NCAM1: variants seen among roughly 807,000 people sequenced by gnomAD.
NCAM1 encodes the protein neural cell adhesion molecule 1, also known as antigen recognized by monoclonal antibody 5.1H11.
Under a neutral mutation model 109.8 loss-of-function variants are expected in NCAM1, and 14 were observed. That is an observed-to-expected ratio of 0.13 (90% confidence interval 0.08 to 0.20). NCAM1 has a LOEUF of 0.20. NCAM1 is among the 10% of genes least tolerant of loss of function. NCAM1 has a pLI of 1.00. For missense variants in NCAM1, 774 were observed against 1,109.9 expected, an observed-to-expected ratio of 0.70 and a Z score of 4.30; for synonymous variants, 418 against 442.9, an observed-to-expected ratio of 0.94 and a Z score of 0.70.
chr11:113,062,740 G>A (rs1555083625), intron 1 of NCAM1, among the ~76,000 whole-genome samples: 1 of 152,162 alleles, frequency 6.6e-6, no homozygotes. Context: ...GGGAAGCCGA[G>A]GCAGGAGGAT....
chr11:113,197,743 C>T (rs1415092287), intron 1 of NCAM1, among the ~76,000 whole-genome samples: 1 of 152,152 alleles, frequency 6.6e-6, no homozygotes, highest in Non-Finnish European at 1.5e-5. Flanking sequence ...TCCTCAAGCC[C>T]ATTGGAATCT....
At chr11:113,038,485 G>A (rs781876714) in intron 1 of NCAM1, among the ~76,000 whole-genome samples, 18 of 151,996 alleles carry the variant, frequency 1.2e-4, no homozygotes, top group Admixed American at 3.9e-4. Context: ...TTTTATTCTC[G>A]TCTTATCTCC....
chr11:113,220,602 CT>C (rs1175342641), intron 8 of NCAM1, among the ~76,000 whole-genome samples: 10,691 of 75,276 alleles, frequency 0.14, 176 homozygotes, highest in East Asian at 0.18. Context: ...CTCTCTCTCT[CT>C]TTTTTTTTTT....
In NCAM1 at chr11:113,270,379, G is replaced by A. The variant is rs782602633; in HGVS notation, c.2323G>A (p.Gly775Ser). 1.9e-6 allele frequency: 3 copies of A among 1,613,902 alleles called. No homozygotes were observed. The highest frequency in any genetic ancestry group is 2.5e-6 in the Non-Finnish European group (3 of 1,179,916). Residue 775 changes from glycine (G) to serine (S), a missense_variant, in exon 18 of 20, where the codon GGC becomes AGC. Gly to Ser is a moderately conservative substitution (Grantham distance 56). Transcript: ENST00000316851. ...PGAKGKDMEE[G>S]KAAFSKDESK... ...GGCCAAGGGCAAGGACATGGAGGAG[G>A]GCAAGGCCGCCTTCTCGTGAGTGCA...
At chr11:113,220,845 G>A (rs1393627588) in intron 8 of NCAM1, among the ~76,000 whole-genome samples, 1 of 151,858 alleles carries the variant, frequency 6.6e-6, no homozygotes, top group Admixed American at 6.6e-5. Context: ...TCCTGACCTC[G>A]TGATCTGCCT....
chr11:113,245,397 A>G (rs1279573250), intron 14 of NCAM1, among the ~76,000 whole-genome samples: 4 of 152,224 alleles, frequency 2.6e-5, no homozygotes, highest in African/African-American at 9.6e-5. Flanking sequence ...AGCTATCTTC[A>G]TGCCACTGCA....
chr11:113,241,597 A>G (rs781996479), intron 14 of NCAM1, among the ~76,000 whole-genome samples: 4 of 152,194 alleles, frequency 2.6e-5, no homozygotes, highest in Non-Finnish European at 4.4e-5. Context: ...CATCCTGGCT[A>G]AGCCTTGCTC....
At chr11:113,244,654 C>CGTGTGTGTGT (rs55798470) in intron 14 of NCAM1, among the ~76,000 whole-genome samples, 46 of 149,762 alleles carry the variant, frequency 3.1e-4, no homozygotes, top group African/African-American at 1.1e-3. Context: ...TGTGTGTGTG[C>CGTGTGTGTGT]GTGTGTGTGT....
intron 1 of NCAM1, among the ~76,000 whole-genome samples, chr11:113,110,110 G>A (rs1940379894): frequency 6.6e-6 from 1 of 152,090 alleles, no homozygotes; most frequent in Admixed American, 6.6e-5. Flanking sequence ...GCCAAAGATG[G>A]CAGGCATATT....
chr11:113,229,863 C>T (rs1223382560), intron 9 of NCAM1, among the ~76,000 whole-genome samples: 1 of 151,836 alleles, frequency 6.6e-6, no homozygotes, highest in Admixed American at 6.6e-5. Flanking sequence ...TGTTCTCACT[C>T]ATAGGTGGGA....
chr11:113,265,049 C>T (rs1365188692), intron 17 of NCAM1: 6 of 985,356 alleles, frequency 6.1e-6, no homozygotes, highest in Non-Finnish European at 7.2e-6. Flanking sequence ...CCATGGGGCC[C>T]CTTTGCTCAT....
intron 1 of NCAM1, among the ~76,000 whole-genome samples, chr11:113,030,645 A>G (rs1952687058): frequency 6.6e-6 from 1 of 152,198 alleles, no homozygotes; most frequent in Non-Finnish European, 1.5e-5. Context: ...TGTACATTAG[A>G]CATATTACTT....
intron 1 of NCAM1, among the ~76,000 whole-genome samples, chr11:113,156,315 G>T (rs529710968): frequency 1.3e-5 from 2 of 152,158 alleles, no homozygotes; most frequent in Non-Finnish European, 2.9e-5. Context: ...GTTTCAGGTA[G>T]TAGCAGCCCA....
chr11:113,119,355 T>A (rs2136018412), intron 1 of NCAM1, among the ~76,000 whole-genome samples: 1 of 152,270 alleles, frequency 6.6e-6, no homozygotes, highest in Admixed American at 6.5e-5. Context: ...AAGCCAGAAG[T>A]CAGACTTGGC....
intron 1 of NCAM1, among the ~76,000 whole-genome samples, chr11:113,114,954 G>T (rs1422027191): frequency 1.3e-5 from 2 of 152,220 alleles, no homozygotes; most frequent in African/African-American, 2.4e-5. Context: ...TTCTTGGGGG[G>T]AATTGCACCC....
intron 14 of NCAM1, among the ~76,000 whole-genome samples, chr11:113,237,038 T>G (rs1945187887): frequency 6.6e-6 from 1 of 152,214 alleles, no homozygotes; most frequent in Non-Finnish European, 1.5e-5. Context: ...ACTAACCAGC[T>G]AATGTAGGAA....
intron 1 of NCAM1, among the ~76,000 whole-genome samples, chr11:113,020,044 C>T (rs999495779): frequency 2.6e-5 from 4 of 152,136 alleles, no homozygotes. Context: ...ATGTTCAAGG[C>T]CGTCATCAGC....
At chr11:112,989,666 C>T (rs1451856300) in intron 1 of NCAM1, among the ~76,000 whole-genome samples, 2 of 152,050 alleles carry the variant, frequency 1.3e-5, no homozygotes, top group African/African-American at 2.4e-5. Context: ...CCTTTGGTGG[C>T]GTCATAATTG....
intron 1 of NCAM1, among the ~76,000 whole-genome samples, chr11:113,152,903 G>T (rs1272394821): frequency 6.6e-5 from 10 of 152,108 alleles, no homozygotes; most frequent in Non-Finnish European, 1.5e-4. Flanking sequence ...AAGAAAGGCA[G>T]TGACATCATC....
Sources: gnomAD v4.1 joint callset for allele counts (sites outside exome capture counted in the v4.1 genomes callset) on GRCh38, gnomAD v4.1.1 for gene constraint, MANE v1.5 for transcripts, NCBI Gene and HGNC (gene_info 2026-07-23, HGNC 2026-07-21) for gene names.